The following ERMARD variants were observed in gnomAD, a reference collection of about 807,000 sequenced individuals.
ERMARD encodes the protein ER membrane associated RNA degradation, also known as endoplasmic reticulum membrane-associated RNA degradation protein.
In ERMARD, 71 loss-of-function variants were observed where a neutral mutation model predicts 83.9. The ratio of observed to expected loss-of-function variants is 0.85; its 90% CI spans 0.70 to 1.03. ERMARD has a LOEUF of 1.03. Ranked by LOEUF, ERMARD falls within the 50% of genes least tolerant of loss-of-function variation. The pLI, the probability that ERMARD is intolerant of heterozygous loss-of-function variation, is 0.00. For missense variants in ERMARD, 838 were observed against 810.9 expected, an observed-to-expected ratio of 1.03 and a Z score of -0.41; for synonymous variants, 284 against 298.6, an observed-to-expected ratio of 0.95 and a Z score of 0.50.
At position 169,773,406 on chromosome 6, in the gene ERMARD, T is replaced by C. The variant is rs757166357; in HGVS notation, c.1317+4T>C. ...GGTTTTTCAGCTTAAAAAACAGGTA[T>C]GCCAAATGCAGGGTCCCGGGAGGGG... is the stretch of plus-strand genomic sequence containing the variant. On this transcript the variant is annotated splice_donor_region_variant and intron_variant, in intron 13 of 17. Coordinates refer to ENST00000366773, the MANE Select transcript of ERMARD (RefSeq NM_018341.3). 3.7e-6 allele frequency: 6 copies of C among 1,614,016 alleles called. No individual in the cohort carries two copies. The highest frequency in any genetic ancestry group is 3.3e-5 in the South Asian group (3 of 91,086).
At chr6:169,781,304 T>C in intron 17 of ERMARD, 26 bp from the exon 18 acceptor site, 3 of 1,567,954 alleles carry the variant, frequency 1.9e-6, no homozygotes, top group Non-Finnish European at 2.6e-6. Context: ...ATGGAATGGA[T>C]AAAGAAATTA....
chr6:169,758,352 G>T (rs952129180), intron 5 of ERMARD, among the ~76,000 whole-genome samples: 1 of 152,206 alleles, frequency 6.6e-6, no homozygotes, highest in African/African-American at 2.4e-5. Flanking sequence ...CTCTGGGCAT[G>T]ACATGACTGC....
chr6:169,776,551 C>T lies in ERMARD; in HGVS notation c.1617C>T (p.Ile539=), dbSNP rs4716399. 0.24 allele frequency: 385,741 copies of T among 1,613,530 alleles called. 49,154 individuals are homozygous for T. Among genetic ancestry groups the T allele is most frequent in the African/African-American group, 0.48 (35,962 of 74,780 alleles). ...AAGTGCTGGTTGTGCTCCGAAGCAT[C>T]AGCGAACAGTGCCGCCGTGTGTCCA... ...VLEVLVVLRS[I]SEQCRRVSSQ... is the part of the protein sequence containing the mutation. The change falls in exon 16 of 18, where the codon ATC becomes ATT. Residue 539 remains isoleucine (I), a synonymous_variant. Transcript: ENST00000366773.
intron 16 of ERMARD, among the ~76,000 whole-genome samples, chr6:169,778,824 C>A (rs1793882603): frequency 6.6e-6 from 1 of 152,244 alleles, no homozygotes; most frequent in Non-Finnish European, 1.5e-5. Flanking sequence ...GAGAGTTCCT[C>A]CCTAGATGTC....
In ERMARD at chr6:169,759,085, A is replaced by G. The variant is rs771604466; in HGVS notation, c.605+20A>G. 9.4e-6 allele frequency: 15 copies of G among 1,593,994 alleles called. No homozygotes were observed. The highest frequency in any genetic ancestry group is 2.7e-5 in the African/African-American group (2 of 74,116). The stretch of plus-strand genomic sequence containing the variant: ...TCCAAAGTAAGTTGCAAGTGAAGAC[A>G]TTTTCTTCCTTTTTTGGATCTACCA... On this transcript the variant is annotated intron_variant, in intron 6 of 17. Coordinates refer to ENST00000366773, the MANE Select transcript of ERMARD (RefSeq NM_018341.3).
chr6:169,765,231 G>A (rs1442265246), intron 9 of ERMARD, among the ~76,000 whole-genome samples: 1 of 152,238 alleles, frequency 6.6e-6, no homozygotes, highest in African/African-American at 2.4e-5. Context: ...AAATAACATG[G>A]CTGTTTCCAC....
At chr6:169,773,523 G>C (rs1004347592) in intron 13 of ERMARD, 121 bp downstream of exon 13, 2 of 958,480 alleles carry the variant, frequency 2.1e-6, no homozygotes, top group Middle Eastern at 2.8e-4. Flanking sequence ...GGCAGATCCA[G>C]CTTTTTAACC....
Position 169,776,480 on chromosome 6 carries a change from T to C in ERMARD, c.1546T>C (p.Cys516Arg). ...ETWPQLLRELCSTPVPTLFCP... is the reference protein window; with the variant it reads ...ETWPQLLRELRSTPVPTLFCP... Reference sequence around the variant, plus strand: ...GTGGCCCCAGCTTCTCCGTGAGCTCTGCAGCACACCTGTTCCCACCCTGTT... The same window carrying C: ...GTGGCCCCAGCTTCTCCGTGAGCTCCGCAGCACACCTGTTCCCACCCTGTT... The change falls in exon 16 of 18, where the codon TGC becomes CGC. Residue 516 changes from cysteine (C) to arginine (R), a missense_variant. By Grantham distance (180) the Cys-to-Arg change is radical. Coordinates refer to ENST00000366773, the MANE Select transcript of ERMARD (RefSeq NM_018341.3). 6.2e-7 allele frequency: 1 copy of C among 1,614,094 alleles called. No individual in the cohort carries two copies. The highest frequency in any genetic ancestry group is 1.6e-4 in the Middle Eastern group (1 of 6,062).
rs114537763 is a variant in ERMARD at position 169,776,931 on chromosome 6, A to T, written c.1739+258A>T. On this transcript the variant is annotated intron_variant, in intron 16 of 17. Transcript: ENST00000366773. ...AGGAGGCCCTGACGGCATGTACCCC[A>T]GGTACTTGGGGCGAAGTTTGCTTTT... Among the ~76,000 whole-genome samples the T allele has an allele frequency of 2.3e-3, 344 of 152,356 alleles. 2 individuals are homozygous for T. Among genetic ancestry groups the T allele is most frequent in the African/African-American group, 7.8e-3 (323 of 41,578 alleles).
chr6:169,769,864 T>C (rs1476960412), intron 12 of ERMARD, 151 bp downstream of exon 12: 2 of 644,230 alleles, frequency 3.1e-6, no homozygotes, highest in African/African-American at 1.8e-5. Context: ...ATGGATTACA[T>C]GTATGTTTAT....
intron 12 of ERMARD, 73 bp from the exon 13 acceptor site, chr6:169,773,246 G>C: frequency 8.3e-7 from 1 of 1,211,970 alleles, no homozygotes; most frequent in Non-Finnish European, 1.2e-6. Flanking sequence ...GACTCTAAGT[G>C]GCCTACAGTT....
chr6:169,770,073 A>G (rs968601432), intron 12 of ERMARD, among the ~76,000 whole-genome samples: 2 of 152,204 alleles, frequency 1.3e-5, no homozygotes, highest in Admixed American at 6.5e-5. Flanking sequence ...TGCATCATCA[A>G]TAAACTCTTT....
At chr6:169,770,350 T>C (rs1792753017) in intron 12 of ERMARD, 1 of 152,216 alleles carries the variant, frequency 6.6e-6, no homozygotes, top group Non-Finnish European at 1.5e-5. Flanking sequence ...TTATGTTTTA[T>C]AGCTAGCATT....
intron 11 of ERMARD, among the ~76,000 whole-genome samples, chr6:169,768,488 T>C (rs1004821088): frequency 2.6e-5 from 4 of 152,242 alleles, no homozygotes; most frequent in African/African-American, 9.6e-5. Flanking sequence ...CCGGGTGCGG[T>C]GGCTCATGCC....
chr6:169,772,955 T>G (rs1562343769), intron 12 of ERMARD: 1 of 197,840 alleles, frequency 5.1e-6, no homozygotes, highest in Non-Finnish European at 1.0e-5. Context: ...GCTTGGCAAT[T>G]AAATGTTTAT....
At chr6:169,760,224 C>T (rs1022993691) in intron 7 of ERMARD, among the ~76,000 whole-genome samples, 10 of 152,188 alleles carry the variant, frequency 6.6e-5, no homozygotes, top group Non-Finnish European at 1.3e-4. Flanking sequence ...CTTTCTTCCT[C>T]AGATGCACTA....
At chr6:169,767,136 T>A (rs1792312034) in intron 10 of ERMARD, 1 of 153,404 alleles carries the variant, frequency 6.5e-6, no homozygotes, top group Non-Finnish European at 1.5e-5. Context: ...AGCGTTCATG[T>A]GCACCTAAAG....
At chr6:169,751,482 C>T, upstream of ERMARD, 1 of 1,612,378 alleles carries the variant, frequency 6.2e-7, no homozygotes, top group Non-Finnish European at 8.5e-7. Flanking sequence ...CCAAGACGCC[C>T]ACCGCCTCCC....
Position 169,760,622 on chromosome 6 carries a change from A to T in ERMARD, c.743-20A>T. ...AGTTGATCAGTATGATTGTGTTTAA[A>T]ACCGTGTGTTATTTTACAGATGTTA... is the stretch of plus-strand genomic sequence containing the variant. On this transcript the variant is annotated intron_variant, in intron 7 of 17. Coordinates refer to ENST00000366773, the MANE Select transcript of ERMARD (RefSeq NM_018341.3). 2.0e-6 allele frequency: 3 copies of T among 1,517,980 alleles called. No individual in the cohort carries two copies. Among genetic ancestry groups the T allele is most frequent in the Non-Finnish European group, 2.7e-6 (3 of 1,095,386 alleles). 94.0% of individuals were successfully genotyped at this position (1,517,980 alleles called of 1,614,324 possible). A position where few individuals can be genotyped will look rare whatever the true frequency, so the allele number is the denominator to read the frequency against.
Sources: gnomAD v4.1 joint callset for allele counts (sites outside exome capture counted in the v4.1 genomes callset) on GRCh38, gnomAD v4.1.1 for gene constraint, MANE v1.5 for transcripts, NCBI Gene and HGNC (gene_info 2026-07-23, HGNC 2026-07-21) for gene names.